Variants in POLK observed in about 807,000 individuals in gnomAD.
POLK encodes DNA polymerase kappa.
In POLK, 76 loss-of-function variants were observed where a neutral mutation model predicts 94.0. The observed-to-expected ratio is 0.81, with a 90% CI of 0.67 to 0.98. POLK has a LOEUF of 0.98. POLK is among the 50% of genes least tolerant of loss of function. The pLI, the probability that POLK is intolerant of heterozygous loss-of-function variation, is 0.00. For synonymous variants in POLK, 349 were observed against 325.4 expected, an observed-to-expected ratio of 1.07 and a Z score of -0.78; for missense variants, 954 against 1,010.1, an observed-to-expected ratio of 0.94 and a Z score of 0.75.
exon 13 of POLK, chr5:75,597,178 G>A: frequency 7.0e-7 from 1 of 1,421,112 alleles, no homozygotes. Context: ...CAGAAGTACT[G>A]GTAAGTGTGT....
rs1770055590 is a variant in POLK at position 75,546,994 on chromosome 5, C to T, written c.-13-16C>T. 7.2e-7 allele frequency: 1 copy of T among 1,396,680 alleles called. No homozygotes were observed. Among genetic ancestry groups the T allele is most frequent in the Non-Finnish European group, 9.7e-7 (1 of 1,032,300 alleles). The allele number at this position is 1,396,680 out of a possible 1,614,324, so 86.5% of individuals were successfully genotyped here. A position where few individuals can be genotyped will look rare whatever the true frequency, so the allele number is the denominator to read the frequency against. ...AGATGGTTTTAAAAGCAGTGTTTAT[C>T]TTTATGCTTTTTCAGATAAGTTTAT... On this transcript the variant is annotated splice_polypyrimidine_tract_variant and intron_variant, in intron 1 of 14. Coordinates refer to ENST00000241436, the Ensembl canonical transcript of POLK.
At chr5:75,605,843 G>C (rs1773410696), downstream of POLK, among the ~76,000 whole-genome samples, 1 of 152,066 alleles carries the variant, frequency 6.6e-6, no homozygotes, top group Admixed American at 6.5e-5. Context: ...TGTAGGGGTG[G>C]GTTGCCCCTA....
chr5:75,527,516 C>T (rs1042666793), intron 1 of POLK, among the ~76,000 whole-genome samples: 10 of 148,880 alleles, frequency 6.7e-5, no homozygotes, highest in South Asian at 2.1e-4. Context: ...CACACACACA[C>T]ACACACACAC....
chr5:75,589,380 TACACACATACAC>T (rs1408603306), intron 10 of POLK, among the ~76,000 whole-genome samples: 1,206 of 67,778 alleles, frequency 0.018, 21 homozygotes, highest in African/African-American at 0.061. Context: ...TTTATATATA[TACACACATACAC>T]ACACACACAC....
At chr5:75,511,351 A>C (rs1344254455), upstream of POLK, 1 of 1,542,948 alleles carries the variant, frequency 6.5e-7, no homozygotes, top group East Asian at 2.4e-5. Context: ...AGGAGGGACG[A>C]AGTCCGCCCG....
intron 3 of POLK, among the ~76,000 whole-genome samples, chr5:75,560,875 A>G (rs1210748818): frequency 3.3e-5 from 5 of 152,158 alleles, no homozygotes; most frequent in African/African-American, 1.2e-4. Context: ...GTAGTATTCC[A>G]TGATGTATAT....
At chr5:75,515,266 A>G (rs1768270935) in intron 1 of POLK, among the ~76,000 whole-genome samples, 1 of 152,238 alleles carries the variant, frequency 6.6e-6, no homozygotes, top group African/African-American at 2.4e-5. Flanking sequence ...TTTTATGAAT[A>G]GTCCTGAGAA....
At chr5:75,556,229 CATT>C (rs1434172863) in intron 3 of POLK, among the ~76,000 whole-genome samples, 15 of 152,266 alleles carry the variant, frequency 9.9e-5, no homozygotes, top group African/African-American at 3.4e-4. Context: ...AGTGGTATCT[CATT>C]GTTGTTTTAA....
chr5:75,593,800 G>A (rs1772915180), intron 11 of POLK, 78 bp from the exon 12 acceptor site: 2 of 799,396 alleles, frequency 2.5e-6, no homozygotes. Context: ...CTACAGCTGT[G>A]CCAGCGCACT....
chr5:75,595,403 C>T (rs757491936), intron 12 of POLK, among the ~76,000 whole-genome samples: 3 of 151,666 alleles, frequency 2.0e-5, no homozygotes, highest in Non-Finnish European at 2.9e-5. Context: ...ATATTCAGCA[C>T]AGAAAATAAA....
chr5:75,564,294 A>G (rs1771150057), intron 3 of POLK, among the ~76,000 whole-genome samples: 1 of 142,496 alleles, frequency 7.0e-6, no homozygotes, highest in South Asian at 2.2e-4. Context: ...ATCTTCCTCC[A>G]TGTCTTTATT....
At chr5:75,583,883 AT>A (rs1772326756) in intron 8 of POLK, among the ~76,000 whole-genome samples, 1 of 152,136 alleles carries the variant, frequency 6.6e-6, no homozygotes, top group African/African-American at 2.4e-5. Flanking sequence ...ATACTTTATT[AT>A]TTTTTAGAGC....
intron 10 of POLK, among the ~76,000 whole-genome samples, chr5:75,588,833 T>C (rs1330771545): frequency 2.6e-5 from 4 of 152,274 alleles, no homozygotes; most frequent in Admixed American, 6.5e-5. Flanking sequence ...CCTGCCTCCT[T>C]CTTATAAGGA....
At chr5:75,540,702 T>A (rs1339962739) in intron 1 of POLK, among the ~76,000 whole-genome samples, 1 of 152,156 alleles carries the variant, frequency 6.6e-6, no homozygotes, top group Non-Finnish European at 1.5e-5. Flanking sequence ...CTAAGGACAT[T>A]AGTATGAACT....
chr5:75,538,107 C>T (rs896176352), intron 1 of POLK, among the ~76,000 whole-genome samples: 3 of 152,134 alleles, frequency 2.0e-5, no homozygotes, highest in East Asian at 1.9e-4. Flanking sequence ...CCACCCGCCT[C>T]GGCCTCCCAA....
chr5:75,552,395 C>G (rs572218643), intron 2 of POLK, 77 bp from the exon 3 acceptor site: 1 of 1,360,628 alleles, frequency 7.3e-7, no homozygotes, highest in East Asian at 2.5e-5. Flanking sequence ...AGTATGTGCT[C>G]TTAGCCACCA....
intron 1 of POLK, among the ~76,000 whole-genome samples, chr5:75,525,972 A>G (rs1194616286): frequency 6.6e-6 from 1 of 152,180 alleles, no homozygotes; most frequent in Admixed American, 6.5e-5. Flanking sequence ...TATGTGTTAA[A>G]GACACTTAAA....
chr5:75,546,467 C>T (rs5744590), intron 1 of POLK, among the ~76,000 whole-genome samples: 7,501 of 152,030 alleles, frequency 0.049, 558 homozygotes, highest in African/African-American at 0.17. Flanking sequence ...CTAAGAGTCA[C>T]CTGTAATTTT....
At chr5:75,573,369 G>T (rs1017544611) in intron 4 of POLK, among the ~76,000 whole-genome samples, 2 of 152,076 alleles carry the variant, frequency 1.3e-5, no homozygotes, top group South Asian at 2.1e-4. Context: ...GTTGTGTGGT[G>T]GGGGGAAGGG....
Sources: allele counts gnomAD v4.1 joint callset (sites outside exome capture counted in the v4.1 genomes callset), GRCh38; gene constraint gnomAD v4.1.1; transcripts MANE v1.5; gene names NCBI Gene and HGNC (gene_info 2026-07-23, HGNC 2026-07-21).